MGA: variants seen among roughly 807,000 people sequenced by gnomAD.
MGA encodes the protein MAX dimerization protein MGA.
MGA carries 40 observed loss-of-function variants against 261.1 expected under a neutral mutation model. That is an observed-to-expected ratio of 0.15 (90% CI 0.12 to 0.20). The LOEUF is 0.20. MGA is among the 10% of genes least tolerant of loss of function. The pLI, the probability that MGA is intolerant of heterozygous loss-of-function variation, is 1.00. For synonymous variants in MGA, 1,302 were observed against 1,290.6 expected, an observed-to-expected ratio of 1.01 and a Z score of -0.19; for missense variants, 3,397 against 3,630.5, an observed-to-expected ratio of 0.94 and a Z score of 1.65.
At position 41,766,667 on chromosome 15, in the gene MGA, C is replaced by G. The variant is rs1596040223; in HGVS notation, c.8585C>G (p.Ala2862Gly). Residue 2862 changes from alanine (A) to glycine (G), a missense_variant, in exon 24 of 24, where the codon GCT (alanine) becomes GGT (glycine). Around this residue, in one of 9 missense-constraint regions of MGA, gnomAD observed 647 missense variants for 642.4 expected, o/e 1.01. Coordinates refer to ENST00000219905, the MANE Select transcript of MGA (RefSeq NM_001164273.2). ...GAGTTCCCAGGGGATGCTCGGCGGGCTTTTATTAGTAAGGTTCCTCCTGGA... is the reference window on the plus strand; with the variant it reads ...GAGTTCCCAGGGGATGCTCGGCGGGGTTTTATTAGTAAGGTTCCTCCTGGA... The G allele has an allele frequency of 6.2e-7, 1 of 1,613,954 alleles. No individual in the cohort carries two copies. Among genetic ancestry groups the G allele is most frequent in the Non-Finnish European group, 8.5e-7 (1 of 1,179,878 alleles).
chr15:41,736,824 A>G (rs2061802922), intron 13 of MGA, 126 bp downstream of exon 13: 1 of 1,099,160 alleles, frequency 9.1e-7, no homozygotes. Context: ...GGGTGACAAA[A>G]TTATTATCTC....
chr15:41,739,765 T>A, intron 13 of MGA, 141 bp from the exon 14 acceptor site: 1 of 738,600 alleles, frequency 1.4e-6, no homozygotes, highest in Non-Finnish European at 2.0e-6. Context: ...TTATTCTAAA[T>A]GGAAAAAGTC....
intron 18 of MGA, 31 bp from the exon 19 acceptor site, chr15:41,757,757 T>C (rs781118062): frequency 1.3e-6 from 2 of 1,576,588 alleles, no homozygotes; most frequent in African/African-American, 1.3e-5. Flanking sequence ...TAAATTTCAG[T>C]AAGACACTGA....
At chr15:41,752,361 A>G (rs968809518) in intron 17 of MGA, 1 of 152,162 alleles carries the variant, frequency 6.6e-6, no homozygotes, top group Non-Finnish European at 1.5e-5. Flanking sequence ...TTCTCTCCAT[A>G]GCCTAATCTT....
At chr15:41,737,817 T>G (rs2061869665) in intron 13 of MGA, among the ~76,000 whole-genome samples, 1 of 151,784 alleles carries the variant, frequency 6.6e-6, no homozygotes, top group African/African-American at 2.4e-5. Context: ...CCATTTCTAC[T>G]AAAAATAAAA....
At chr15:41,763,000 G>A (rs1471005431) in intron 22 of MGA, among the ~76,000 whole-genome samples, 2 of 151,604 alleles carry the variant, frequency 1.3e-5, no homozygotes, top group Non-Finnish European at 2.9e-5. Context: ...TCTACTGATG[G>A]GTTTAAGAAG....
chr15:41,704,173 C>T (rs182460976), intron 5 of MGA, among the ~76,000 whole-genome samples: 25 of 152,172 alleles, frequency 1.6e-4, no homozygotes, highest in Admixed American at 7.9e-4. Context: ...TCTTCCTCTT[C>T]CTTTTTTAGT....
intron 2 of MGA, among the ~76,000 whole-genome samples, chr15:41,695,178 A>G (rs2059493074): frequency 6.7e-6 from 1 of 149,560 alleles, no homozygotes; most frequent in Admixed American, 6.7e-5. Flanking sequence ...TCATTACTTT[A>G]TGTGGAATCT....
At chr15:41,732,129 C>G (rs975949251) in intron 11 of MGA, among the ~76,000 whole-genome samples, 1 of 151,890 alleles carries the variant, frequency 6.6e-6, no homozygotes, top group Non-Finnish European at 1.5e-5. Flanking sequence ...AGAAAAAGCC[C>G]CTAAAATCCA....
In MGA at chr15:41,703,378, C is replaced by CCCG. The variant is rs1364371738; in HGVS notation, c.2188+4220_2188+4221insCGC. Among the ~76,000 whole-genome samples the CCCG allele has an allele frequency of 6.3e-5, 9 of 142,402 alleles. 1 individual carries two copies. Among genetic ancestry groups the CCCG allele is most frequent in the South Asian group, 2.6e-4 (1 of 3,892 alleles). The allele number at this position is 142,402 out of a possible 152,430, so 93.4% of individuals were successfully genotyped here. ...ATTCATTGTGAAGTTACCCCCCCCCCCACTCCCCACCCTCCCTTTCTCTCC... is the reference window on the plus strand; with the variant it reads ...ATTCATTGTGAAGTTACCCCCCCCCCCCGCACTCCCCACCCTCCCTTTCTCTCC... On this transcript the variant is annotated intron_variant, in intron 5 of 23. Coordinates refer to ENST00000219905, the MANE Select transcript of MGA (RefSeq NM_001164273.2).
At position 41,757,844 on chromosome 15, in the gene MGA, T is replaced by G; in HGVS notation, c.7191+5T>G. The G allele has an allele frequency of 2.5e-6, 4 of 1,595,986 alleles. No individual in the cohort carries two copies. The highest frequency in any genetic ancestry group is 3.4e-6 in the Non-Finnish European group (4 of 1,164,298). ...GCAGCTGAAAGGAGTCGAAAGGTAT[T>G]TAGGATATATTTAGTGATAATTACT... is the stretch of plus-strand genomic sequence containing the variant. On this transcript the variant is annotated splice_donor_5th_base_variant and intron_variant, in intron 19 of 23. Transcript: ENST00000219905.
At chr15:41,727,930 T>C (rs2061331917) in intron 10 of MGA, among the ~76,000 whole-genome samples, 2 of 152,242 alleles carry the variant, frequency 1.3e-5, no homozygotes, top group South Asian at 4.1e-4. Context: ...CCATGTGTCC[T>C]CCTAGTCCAT....
In MGA at chr15:41,760,471, A is replaced by C; in HGVS notation, c.7340A>C (p.Lys2447Thr). ...ATGAGGGATCTCTTTGAGAAATTAA[A>C]GATCACATTGGGATTACTTCATTCT... Residue 2447 changes from lysine (K) to threonine (T), a missense_variant, in exon 20 of 24, where the codon AAG becomes ACG. This residue lies in a region of MGA where 50 missense variants were observed against 121.5 expected (regional missense o/e 0.41). Transcript: ENST00000219905. 2 of 1,614,058 alleles carry C rather than the reference A, an allele frequency of 1.2e-6. No homozygotes were observed. Among genetic ancestry groups the C allele is most frequent in the Non-Finnish European group, 1.7e-6 (2 of 1,179,898 alleles).
chr15:41,757,470 A>G (rs2063214557), intron 18 of MGA, among the ~76,000 whole-genome samples: 1 of 152,196 alleles, frequency 6.6e-6, no homozygotes, highest in Non-Finnish European at 1.5e-5. Context: ...GCCATTTTAT[A>G]TCAGGGACTT....
At chr15:41,744,783 A>G (rs1595944777) in intron 15 of MGA, among the ~76,000 whole-genome samples, 6 of 152,322 alleles carry the variant, frequency 3.9e-5, no homozygotes, top group Admixed American at 3.9e-4. Context: ...CAGGATATGC[A>G]TTCACATATT....
At chr15:41,695,170 A>G (rs917626176) in intron 2 of MGA, among the ~76,000 whole-genome samples, 3 of 149,622 alleles carry the variant, frequency 2.0e-5, no homozygotes, top group Non-Finnish European at 4.4e-5. Flanking sequence ...TTAATTCGTC[A>G]TTACTTTATG....
chr15:41,735,205 G>T (rs114269201), intron 12 of MGA, among the ~76,000 whole-genome samples: 1 of 152,186 alleles, frequency 6.6e-6, no homozygotes, highest in South Asian at 2.1e-4. Flanking sequence ...GCCTGAGAGC[G>T]TGAGCACCCT....
chr15:41,709,898 C>T (rs185162597), intron 7 of MGA, among the ~76,000 whole-genome samples: 22 of 151,304 alleles, frequency 1.5e-4, no homozygotes, highest in Non-Finnish European at 2.2e-4. Context: ...CTCGGCTCAC[C>T]GCAACCTCCC....
rs1179078630 is a variant in MGA, at chr15:41,762,574, T to G, written c.7744+212T>G. On this transcript the variant is annotated intron_variant, in intron 22 of 23. Coordinates refer to ENST00000219905, the MANE Select transcript of MGA (RefSeq NM_001164273.2). ...ACCTCCACCTCCCAGGTTCAAGCGA[T>G]TATCTGCTTCAGCCTCCTGAGTAGC... is the stretch of plus-strand genomic sequence containing the variant. Among the ~76,000 whole-genome samples, 3 of 147,652 alleles carry G rather than the reference T, an allele frequency of 2.0e-5. No individual in the cohort carries two copies. The Admixed American group carries it at 2.1e-4, about 10-fold the overall frequency.
Sources: gnomAD v4.1 joint callset for allele counts (sites outside exome capture counted in the v4.1 genomes callset) on GRCh38, gnomAD v4.1.1 for gene constraint, gnomAD v4.1.1 regional missense constraint, MANE v1.5 for transcripts, NCBI Gene and HGNC (gene_info 2026-07-23, HGNC 2026-07-21) for gene names.